The following HYCC2 variants were observed in gnomAD, a reference collection of about 807,000 sequenced individuals.
The protein encoded by HYCC2 is hyccin 2.
chr2:200,994,933 C>T, the HYCC2 span, among the ~76,000 whole-genome samples: 1 of 150,422 alleles, frequency 6.6e-6, no homozygotes, highest in Non-Finnish European at 1.5e-5. Context: ...CCTAGGAGTT[C>T]GAGGCTGCAG....
chr2:201,037,823 T>C, the HYCC2 span, among the ~76,000 whole-genome samples: 5 of 152,234 alleles, frequency 3.3e-5, no homozygotes, highest in South Asian at 4.1e-4. Context: ...ATTCAGGACA[T>C]AGGCATGGGC....
chr2:201,037,148 C>T, the HYCC2 span, among the ~76,000 whole-genome samples: 1 of 152,158 alleles, frequency 6.6e-6, no homozygotes. Flanking sequence ...TTCACAATTG[C>T]TTCAAAGAGA....
chr2:201,065,107 G>A, the HYCC2 span, among the ~76,000 whole-genome samples: 2 of 152,128 alleles, frequency 1.3e-5, no homozygotes, highest in Non-Finnish European at 2.9e-5. Flanking sequence ...AGACACTCTT[G>A]TAGTCCCACC....
chr2:201,000,105 G>T, the HYCC2 span, among the ~76,000 whole-genome samples: 1 of 149,304 alleles, frequency 6.7e-6, no homozygotes, highest in Non-Finnish European at 1.5e-5. Flanking sequence ...CGTCCAGTAG[G>T]TCATTCCTGA....
chr2:201,037,646 ATTCT>A, the HYCC2 span, among the ~76,000 whole-genome samples: 1 of 152,236 alleles, frequency 6.6e-6, no homozygotes, highest in Non-Finnish European at 1.5e-5. Flanking sequence ...TGGGGAAAGG[ATTCT>A]TTATTTAATA....
the HYCC2 span, among the ~76,000 whole-genome samples, chr2:201,012,142 C>T: frequency 6.6e-6 from 1 of 151,926 alleles, no homozygotes; most frequent in Non-Finnish European, 1.5e-5. Context: ...TCGCAATAAA[C>T]GAATGACCTG....
At chr2:200,976,677 G>A in the HYCC2 span, 1 of 152,022 alleles carries the variant, frequency 6.6e-6, no homozygotes, top group East Asian at 1.9e-4. Flanking sequence ...TTATATAGCT[G>A]AGACTACCGC....
At chr2:201,034,162 A>ACAT in the HYCC2 span, among the ~76,000 whole-genome samples, 7,875 of 152,228 alleles carry the variant, frequency 0.052, 470 homozygotes, top group African/African-American at 0.14. Flanking sequence ...TAATCATAAC[A>ACAT]CATATTTCCC....
chr2:201,035,031 C>A, the HYCC2 span, among the ~76,000 whole-genome samples: 1 of 152,154 alleles, frequency 6.6e-6, no homozygotes, highest in African/African-American at 2.4e-5. Context: ...GGCTGTCCTT[C>A]ACATTTTTTC....
the HYCC2 span, chr2:200,973,898 CTT>C: frequency 6.6e-6 from 1 of 152,050 alleles, no homozygotes; most frequent in African/African-American, 2.4e-5. Context: ...TTTACAATAA[CTT>C]AAAATATTTT....
At chr2:201,042,914 G>T in the HYCC2 span, among the ~76,000 whole-genome samples, 17 of 152,028 alleles carry the variant, frequency 1.1e-4, no homozygotes, top group South Asian at 3.5e-3. Flanking sequence ...CTGCCCGGCC[G>T]CCACCCCGTC....
the HYCC2 span, among the ~76,000 whole-genome samples, chr2:201,042,513 G>A: frequency 6.6e-6 from 1 of 150,814 alleles, no homozygotes; most frequent in Non-Finnish European, 1.5e-5. Flanking sequence ...GAACTGAGGA[G>A]TGTCTCTGCC....
the HYCC2 span, chr2:201,063,754 C>T: frequency 1.3e-6 from 2 of 1,588,008 alleles, no homozygotes; most frequent in Non-Finnish European, 1.7e-6. Flanking sequence ...GAAGAAACTT[C>T]AGTGGTCATG....
At chr2:200,985,455 G>A in the HYCC2 span, among the ~76,000 whole-genome samples, 1 of 152,026 alleles carries the variant, frequency 6.6e-6, no homozygotes, top group Non-Finnish European at 1.5e-5. Context: ...GAGCCCAGGA[G>A]TTTGAGACCA....
chr2:201,069,543 AACACACACACACAC>A, the HYCC2 span, among the ~76,000 whole-genome samples: 3,738 of 143,682 alleles, frequency 0.026, 124 homozygotes, highest in African/African-American at 0.076. Context: ...CATAAGAAGA[AACACACACACACAC>A]ACACACACAC....
the HYCC2 span, among the ~76,000 whole-genome samples, chr2:201,071,249 G>A: frequency 6.6e-6 from 1 of 152,140 alleles, no homozygotes; most frequent in African/African-American, 2.4e-5. Flanking sequence ...TGTCTTCAAT[G>A]CCGTGTCCTT....
the HYCC2 span, chr2:200,979,353 T>C: frequency 1.3e-5 from 2 of 152,422 alleles, no homozygotes; most frequent in South Asian, 4.1e-4. Flanking sequence ...TACCCTGGAC[T>C]TTGGCAATGT....
At chr2:201,024,057 T>C in the HYCC2 span, 10 of 1,438,166 alleles carry the variant, frequency 7.0e-6, no homozygotes, top group Non-Finnish European at 9.8e-6. Context: ...AAAAAAGTAT[T>C]GAAGCTGAGG....
At chr2:201,034,568 A>C in the HYCC2 span, among the ~76,000 whole-genome samples, 2 of 152,182 alleles carry the variant, frequency 1.3e-5, no homozygotes, top group African/African-American at 4.8e-5. Context: ...CCAATTTGCC[A>C]GTCTATGTCT....
Sources: allele counts gnomAD v4.1 joint callset (sites outside exome capture counted in the v4.1 genomes callset), GRCh38; gene constraint gnomAD v4.1.1; transcripts MANE v1.5; gene names NCBI Gene and HGNC (gene_info 2026-07-23, HGNC 2026-07-21).